NUBPL: variants seen among roughly 807,000 people sequenced by gnomAD.
NUBPL encodes NUBP iron-sulfur cluster assembly factor, mitochondrial, also known as iron-sulfur cluster transfer protein NUBPL.
NUBPL carries 31 observed loss-of-function variants against 45.7 expected under a neutral mutation model. That is an observed-to-expected ratio of 0.68 (90% CI 0.51 to 0.92). The LOEUF is 0.92. NUBPL is among the 40% of genes least tolerant of loss of function. The pLI is 0.00. For synonymous variants in NUBPL, 144 were observed against 140.9 expected, an observed-to-expected ratio of 1.02 and a Z score of -0.15; for missense variants, 401 against 398.7, an observed-to-expected ratio of 1.01 and a Z score of -0.05.
intron 4 of NUBPL, among the ~76,000 whole-genome samples, chr14:31,624,251 T>C (rs1393920094): frequency 1.3e-5 from 2 of 152,212 alleles, no homozygotes; most frequent in Non-Finnish European, 2.9e-5. Flanking sequence ...TTTTCTGAGT[T>C]GGATGACTAT....
intron 3 of NUBPL, among the ~76,000 whole-genome samples, chr14:31,583,448 T>C (rs997835106): frequency 6.6e-6 from 1 of 152,164 alleles, no homozygotes; most frequent in African/African-American, 2.4e-5. Context: ...AATAAGATAG[T>C]TTGAATTATT....
chr14:31,733,023 A>G (rs979313954), intron 6 of NUBPL, among the ~76,000 whole-genome samples: 1 of 152,192 alleles, frequency 6.6e-6, no homozygotes, highest in African/African-American at 2.4e-5. Flanking sequence ...GTCTAAGCCT[A>G]TGATCATCTC....
At chr14:31,812,015 C>T (rs1176882183) in intron 7 of NUBPL, among the ~76,000 whole-genome samples, 4 of 152,176 alleles carry the variant, frequency 2.6e-5, no homozygotes, top group East Asian at 1.9e-4. Context: ...CTGGAAGCTT[C>T]GTCTCAGAGG....
chr14:31,759,525 A>G (rs1005250431), intron 6 of NUBPL, among the ~76,000 whole-genome samples: 13 of 152,086 alleles, frequency 8.5e-5, no homozygotes, highest in African/African-American at 3.1e-4. Flanking sequence ...AAGCTAATTA[A>G]TTACCTCATA....
chr14:31,584,357 T>C (rs1394979725), intron 3 of NUBPL, among the ~76,000 whole-genome samples: 1 of 152,182 alleles, frequency 6.6e-6, no homozygotes, highest in East Asian at 1.9e-4. Flanking sequence ...ACTCTTGGGC[T>C]CAAGTGATCC....
chr14:31,610,646 G>A (rs1192316889), intron 4 of NUBPL, among the ~76,000 whole-genome samples: 2 of 147,502 alleles, frequency 1.4e-5, no homozygotes, highest in African/African-American at 5.0e-5. Context: ...AAAACTGCAG[G>A]CCACCTTCTC....
rs200626091 is a variant in NUBPL at position 31,859,716 on chromosome 14, T to TA, written c.*537dup. On this transcript the variant is annotated 3_prime_UTR_variant, in exon 11 of 11. Transcript: ENST00000281081. The stretch of plus-strand genomic sequence containing the variant: ...AGTCTCCAGGAGTGGAGCCTGAACA[T>TA]ATGTATTTTTAGTAAGACCATGATG... 0.1 allele frequency: 16,124 copies of TA among 162,034 alleles called. 1,040 individuals are homozygous for TA. The highest frequency in any genetic ancestry group is 0.15 in the Non-Finnish European group (10,638 of 72,746). The allele number at this position is 162,034 out of a possible 1,614,324, so 10.0% of individuals were successfully genotyped here. A position where few individuals can be genotyped will look rare whatever the true frequency, so the allele number is the denominator to read the frequency against.
chr14:31,599,250 TTTTTG>T, intron 3 of NUBPL, 34 bp from the exon 4 acceptor site: 1 of 1,437,158 alleles, frequency 7.0e-7, no homozygotes, highest in Non-Finnish European at 9.8e-7. Flanking sequence ...TGGTAAAGTG[TTTTTG>T]TTTTGTTTTA....
At chr14:31,830,210 A>C (rs2040167479) in intron 8 of NUBPL, among the ~76,000 whole-genome samples, 1 of 152,218 alleles carries the variant, frequency 6.6e-6, no homozygotes, top group Non-Finnish European at 1.5e-5. Context: ...AATGTGATTA[A>C]TTTATTTTTC....
chr14:31,658,795 C>T (rs190606334), intron 4 of NUBPL, among the ~76,000 whole-genome samples: 17 of 152,196 alleles, frequency 1.1e-4, no homozygotes, highest in African/African-American at 2.6e-4. Flanking sequence ...TACAGGTGTG[C>T]GCCACTGTGC....
At position 31,673,535 on chromosome 14, in the gene NUBPL, C is replaced by G. The variant is rs754853511; in HGVS notation, c.474C>G (p.Gly158=). The G allele has an allele frequency of 2.5e-6, 4 of 1,613,746 alleles. No individual in the cohort carries two copies. The highest frequency in any genetic ancestry group is 2.2e-5 in the East Asian group (1 of 44,796). Residue 158 remains glycine, a synonymous_variant, in exon 6 of 11, where the codon GGC becomes GGG. Transcript: ENST00000281081. ...VEESEPVVWR[G]LMVMSAIEKL... ...AAAGTGAACCAGTAGTTTGGAGAGG[C>G]CTTATGGTAATGTCGGCCATTGAGA...
At chr14:31,590,092 A>C in intron 3 of NUBPL, among the ~76,000 whole-genome samples, 1 of 152,066 alleles carries the variant, frequency 6.6e-6, no homozygotes. Context: ...TTTGAATTTC[A>C]TTATCTGATT....
chr14:31,712,066 G>A (rs567858015), intron 6 of NUBPL, among the ~76,000 whole-genome samples: 1 of 152,318 alleles, frequency 6.6e-6, no homozygotes, highest in South Asian at 2.1e-4. Flanking sequence ...CCACAGCATG[G>A]AAGGGGACCC....
At chr14:31,730,589 G>A (rs765590904) in intron 6 of NUBPL, among the ~76,000 whole-genome samples, 3 of 151,298 alleles carry the variant, frequency 2.0e-5, no homozygotes, top group Non-Finnish European at 4.4e-5. Context: ...TCAGTCTCCC[G>A]AGTAGCTGGG....
intron 6 of NUBPL, among the ~76,000 whole-genome samples, chr14:31,757,899 C>CT (rs765178713): frequency 2.0e-5 from 3 of 152,108 alleles, no homozygotes; most frequent in Admixed American, 6.6e-5. Flanking sequence ...ATTTTCTTCC[C>CT]TTTTTTTCAG....
At chr14:31,679,636 A>G (rs865975672) in intron 6 of NUBPL, among the ~76,000 whole-genome samples, 5 of 152,166 alleles carry the variant, frequency 3.3e-5, no homozygotes, top group Non-Finnish European at 7.3e-5. Flanking sequence ...TCCTTACTGT[A>G]AAACCACATT....
At chr14:31,665,952 G>T (rs369457695) in intron 4 of NUBPL, among the ~76,000 whole-genome samples, 10 of 151,734 alleles carry the variant, frequency 6.6e-5, no homozygotes, top group African/African-American at 2.4e-4. Flanking sequence ...AATGCTTCTT[G>T]TTGCATTGAT....
chr14:31,815,847 G>C (rs547948159), intron 7 of NUBPL, among the ~76,000 whole-genome samples: 1 of 152,104 alleles, frequency 6.6e-6, no homozygotes, highest in South Asian at 2.1e-4. Flanking sequence ...TTATTGATTT[G>C]CATATATTTA....
intron 6 of NUBPL, among the ~76,000 whole-genome samples, chr14:31,711,588 T>G (rs926013078): frequency 6.6e-6 from 1 of 152,128 alleles, no homozygotes; most frequent in South Asian, 2.1e-4. Flanking sequence ...ACTTCAAGAA[T>G]GAAGCCGCAG....
Sources: allele counts gnomAD v4.1 joint callset (sites outside exome capture counted in the v4.1 genomes callset), GRCh38; gene constraint gnomAD v4.1.1; transcripts MANE v1.5; gene names NCBI Gene and HGNC (gene_info 2026-07-23, HGNC 2026-07-21).